Variants in CNTN5 observed in about 807,000 individuals in gnomAD.
CNTN5 encodes contactin-5.
Under a neutral mutation model 129.1 loss-of-function variants are expected in CNTN5, and 77 were observed. The ratio of observed to expected loss-of-function variants is 0.60; its 90% CI spans 0.50 to 0.72. The LOEUF (loss-of-function observed/expected upper bound fraction) is 0.72, where lower values mean the gene tolerates loss of function less well. CNTN5 is among the 30% of genes least tolerant of loss of function. CNTN5 has a pLI of 0.00. For missense variants in CNTN5, 1,478 were observed against 1,328.8 expected (o/e 1.11, Z -1.75); for synonymous variants, 509 against 465.6 (o/e 1.09, Z -1.20).
At chr11:99,066,206 C>G (rs1166935045) in intron 1 of CNTN5, among the ~76,000 whole-genome samples, 2 of 152,064 alleles carry the variant, frequency 1.3e-5, no homozygotes, top group Non-Finnish European at 1.5e-5. Context: ...TGGGTTCATG[C>G]GATTCTCCTG....
At chr11:99,557,210 G>T (rs959740708) in intron 3 of CNTN5, among the ~76,000 whole-genome samples, 2 of 150,872 alleles carry the variant, frequency 1.3e-5, no homozygotes, top group Non-Finnish European at 3.0e-5. Context: ...TGATATATAT[G>T]ATCATTCAGT....
intron 1 of CNTN5, among the ~76,000 whole-genome samples, chr11:99,037,651 G>A (rs1448601501): frequency 6.9e-6 from 1 of 144,554 alleles, no homozygotes; most frequent in African/African-American, 2.6e-5. Flanking sequence ...TGCGATCTCG[G>A]TTCACAGCAA....
chr11:100,052,909 G>A (rs11222552), intron 9 of CNTN5, among the ~76,000 whole-genome samples: 61,378 of 151,414 alleles, frequency 0.41, 12,829 homozygotes, highest in East Asian at 0.66. Flanking sequence ...AAATTTACCT[G>A]CCTTCTAAAG....
chr11:99,971,459 C>T (rs536772650), intron 8 of CNTN5, among the ~76,000 whole-genome samples: 10 of 151,994 alleles, frequency 6.6e-5, no homozygotes, highest in African/African-American at 2.2e-4. Context: ...AGGAAAATCG[C>T]TTGAACCCGA....
intron 8 of CNTN5, among the ~76,000 whole-genome samples, chr11:99,957,669 CA>C (rs35420563): frequency 6.6e-6 from 1 of 151,836 alleles, no homozygotes; most frequent in Non-Finnish European, 1.5e-5. Context: ...TGTCATGCAG[CA>C]AAAAATCTAT....
intron 1 of CNTN5, among the ~76,000 whole-genome samples, chr11:99,312,162 A>C (rs539897514): frequency 6.6e-6 from 1 of 152,344 alleles, no homozygotes; most frequent in South Asian, 2.1e-4. Context: ...CAATCCAACA[A>C]CAAAGCAAAA....
At chr11:99,187,275 A>C (rs1858401790) in intron 1 of CNTN5, among the ~76,000 whole-genome samples, 1 of 151,820 alleles carries the variant, frequency 6.6e-6, no homozygotes, top group South Asian at 2.1e-4. Context: ...TTATAACCCC[A>C]GGCAGCACTT....
At chr11:100,184,666 A>AC (rs986020893) in intron 13 of CNTN5, among the ~76,000 whole-genome samples, 2 of 151,594 alleles carry the variant, frequency 1.3e-5, no homozygotes, top group African/African-American at 4.8e-5. Context: ...AATTAAGCCC[A>AC]CCCCCCCAGA....
intron 1 of CNTN5, among the ~76,000 whole-genome samples, chr11:99,042,365 CTTTTTTTTTTTTT>C (rs1210153589): frequency 1.7e-4 from 14 of 83,790 alleles, no homozygotes; most frequent in Non-Finnish European, 2.9e-4. Context: ...TCTTCTTCTT[CTTTTTTTTTTTTT>C]TTTTTTTTTT....
intron 10 of CNTN5, among the ~76,000 whole-genome samples, chr11:100,064,994 G>C (rs7936780): frequency 0.81 from 123,324 of 152,042 alleles, 50,750 homozygotes; most frequent in East Asian, 1. Flanking sequence ...TATCATGTGC[G>C]TCACCAACTA....
At chr11:100,333,432 A>AAAG (rs57944510) in intron 21 of CNTN5, among the ~76,000 whole-genome samples, 1 of 137,156 alleles carries the variant, frequency 7.3e-6, no homozygotes, top group Non-Finnish European at 1.6e-5. Context: ...AAAAAAAAAA[A>AAAG]CACCTAAAAT....
intron 3 of CNTN5, among the ~76,000 whole-genome samples, chr11:99,691,305 GCT>G (rs1241849421): frequency 4.6e-5 from 7 of 151,666 alleles, no homozygotes; most frequent in Admixed American, 3.3e-4. Context: ...GGGTTTCTTT[GCT>G]CTTGGTTCTC....
intron 21 of CNTN5, among the ~76,000 whole-genome samples, chr11:100,311,244 CA>C (rs1765262096): frequency 2.0e-5 from 3 of 151,672 alleles, no homozygotes; most frequent in Non-Finnish European, 4.4e-5. Flanking sequence ...CAATAAATTA[CA>C]TGTAGGCTAT....
intron 13 of CNTN5, among the ~76,000 whole-genome samples, chr11:100,177,304 G>A (rs1003678481): frequency 6.6e-6 from 1 of 152,056 alleles, no homozygotes; most frequent in Non-Finnish European, 1.5e-5. Context: ...CAGCACCCCT[G>A]CTGTGTATTT....
At chr11:99,738,616 C>CGTGTGTATGT (rs1943787308) in intron 3 of CNTN5, among the ~76,000 whole-genome samples, 1 of 143,210 alleles carries the variant, frequency 7.0e-6, no homozygotes. Context: ...AAGACAGTAA[C>CGTGTGTATGT]GTGTGTGTGT....
At chr11:100,251,972 A>C (rs1005860898) in intron 16 of CNTN5, among the ~76,000 whole-genome samples, 1 of 152,078 alleles carries the variant, frequency 6.6e-6, no homozygotes, top group East Asian at 1.9e-4. Context: ...TTCTCTTTGT[A>C]GTTTTTTGAG....
In CNTN5 at chr11:99,107,624, G is replaced by T. The variant is rs545258272; in HGVS notation, c.-210+86354G>T. ...TTACATTGCAGAAAAAAAAATCTGG[G>T]ACAAAATGGATCTTAAACTAGTGTC... is the stretch of plus-strand genomic sequence containing the variant. On this transcript the variant is annotated intron_variant, in intron 1 of 24. Transcript: ENST00000524871. 1.2e-4 allele frequency among the ~76,000 whole-genome samples: 19 copies of T among 152,054 alleles called. No individual in the cohort carries two copies. In the East Asian group the frequency reaches 3.7e-3, roughly 29 times the overall value.
intron 24 of CNTN5, 71 bp from the exon 25 acceptor site, chr11:100,356,046 T>A (rs1426508109): frequency 9.8e-7 from 1 of 1,022,682 alleles, no homozygotes; most frequent in Non-Finnish European, 1.5e-6. Flanking sequence ...TCTTACATAC[T>A]AAAAACAATT....
At chr11:99,722,218 T>G (rs1185323634) in intron 3 of CNTN5, among the ~76,000 whole-genome samples, 1 of 152,136 alleles carries the variant, frequency 6.6e-6, no homozygotes, top group African/African-American at 2.4e-5. Context: ...GTAGCAAAGA[T>G]GTGGAATCAA....
Sources: gnomAD v4.1 joint callset for allele counts (sites outside exome capture counted in the v4.1 genomes callset) on GRCh38, gnomAD v4.1.1 for gene constraint, MANE v1.5 for transcripts, NCBI Gene and HGNC (gene_info 2026-07-23, HGNC 2026-07-21) for gene names.